The following SORBS2 variants were observed in gnomAD, a reference collection of about 807,000 sequenced individuals.
SORBS2 encodes sorbin and SH3 domain containing 2, also known as sorbin and SH3 domain-containing protein 2.
In SORBS2, 46 loss-of-function variants were observed where a neutral mutation model predicts 97.7. The observed-to-expected ratio is 0.47, with a 90% CI of 0.37 to 0.60. SORBS2 has a LOEUF of 0.60. SORBS2 is among the 20% of genes least tolerant of loss of function. The pLI, the probability that SORBS2 is intolerant of heterozygous loss-of-function variation, is 0.00. For synonymous variants in SORBS2, 476 were observed against 473.4 expected (o/e 1.01, Z -0.07); for missense variants, 1,316 against 1,282.3 (o/e 1.03, Z -0.40).
At chr4:185,637,794 TGTCTG>T (rs2097046830) in intron 4 of SORBS2, among the ~76,000 whole-genome samples, 1 of 152,100 alleles carries the variant, frequency 6.6e-6, no homozygotes, top group Non-Finnish European at 1.5e-5. Context: ...CTGTAATAAT[TGTCTG>T]AATATTCCAT....
At chr4:185,925,468 A>G (rs2099263153) in intron 1 of SORBS2, among the ~76,000 whole-genome samples, 1 of 152,150 alleles carries the variant, frequency 6.6e-6, no homozygotes, top group Admixed American at 6.5e-5. Flanking sequence ...ACACAGAAAT[A>G]TATTTTTAAA....
At chr4:185,597,227 A>G (rs1291439894) in intron 12 of SORBS2, among the ~76,000 whole-genome samples, 1 of 152,168 alleles carries the variant, frequency 6.6e-6, no homozygotes, top group Non-Finnish European at 1.5e-5. Context: ...AACCTTGGGG[A>G]TGCCTCAGCT....
chr4:185,816,887 A>G (rs1412255386), intron 1 of SORBS2, among the ~76,000 whole-genome samples: 1 of 152,242 alleles, frequency 6.6e-6, no homozygotes, highest in African/African-American at 2.4e-5. Flanking sequence ...AGAGAAAGCC[A>G]AACCTATTAA....
At chr4:185,867,173 G>A (rs889191942) in intron 1 of SORBS2, among the ~76,000 whole-genome samples, 3 of 151,912 alleles carry the variant, frequency 2.0e-5, no homozygotes, top group Non-Finnish European at 1.5e-5. Context: ...CACCACACTC[G>A]GCTAATTTTT....
intron 1 of SORBS2, among the ~76,000 whole-genome samples, chr4:185,845,248 C>G (rs2133377): frequency 0.56 from 84,894 of 151,864 alleles, 24,067 homozygotes; most frequent in East Asian, 0.79. Flanking sequence ...TCCAACTTCC[C>G]GGCTCAAGCG....
At chr4:185,767,503 AAAAAAAAAAAAAAAAAG>A (rs2098943034) in intron 2 of SORBS2, among the ~76,000 whole-genome samples, 1 of 142,602 alleles carries the variant, frequency 7.0e-6, no homozygotes, top group South Asian at 2.3e-4. Flanking sequence ...CTGTCTCAAA[AAAAAAAAAAAAAAAAAG>A]AGAAAGAAAA....
intron 1 of SORBS2, among the ~76,000 whole-genome samples, chr4:185,942,039 C>T (rs1371658438): frequency 6.6e-6 from 1 of 152,018 alleles, no homozygotes; most frequent in East Asian, 1.9e-4. Context: ...TCACTTGAAC[C>T]CAGGAGGCAG....
chr4:185,812,772 G>A (rs192628816), intron 1 of SORBS2, among the ~76,000 whole-genome samples: 125 of 152,162 alleles, frequency 8.2e-4, no homozygotes, highest in African/African-American at 2.7e-3. Context: ...TTTACTTATG[G>A]CTCAACTTAT....
At chr4:185,718,789 C>T (rs1224067477) in intron 2 of SORBS2, among the ~76,000 whole-genome samples, 1 of 152,084 alleles carries the variant, frequency 6.6e-6, no homozygotes, top group Admixed American at 6.6e-5. Context: ...ACTTCTGCTC[C>T]CTCGTTTGCA....
intron 1 of SORBS2, among the ~76,000 whole-genome samples, chr4:185,892,728 G>A (rs544064795): frequency 1.1e-4 from 16 of 152,278 alleles, no homozygotes; most frequent in South Asian, 2.1e-4. Flanking sequence ...AGTCAAACTC[G>A]CAGAGACAGA....
At chr4:185,586,130 A>C (rs905831163) in exon 15 of SORBS2, 3 of 58,668 alleles carry the variant, frequency 5.1e-5, no homozygotes, top group Non-Finnish European at 1.3e-4. Flanking sequence ...GGCTACGTAC[A>C]TTGTGAAAAG....
At chr4:185,855,493 T>C (rs2099220236) in intron 1 of SORBS2, among the ~76,000 whole-genome samples, 2 of 151,886 alleles carry the variant, frequency 1.3e-5, no homozygotes, top group Non-Finnish European at 2.9e-5. Context: ...TGGAGGGAAA[T>C]GTCATTTCAT....
chr4:185,638,768 G>T, intron 4 of SORBS2, 109 bp downstream of exon 14: 1 of 1,025,006 alleles, frequency 9.8e-7, no homozygotes, highest in Non-Finnish European at 1.3e-6. Context: ...GGGCCTGGAT[G>T]GGTGCGAGCG....
chr4:185,811,134 ACACT>A (rs1231138422), intron 1 of SORBS2: 3 of 152,204 alleles, frequency 2.0e-5, no homozygotes, highest in Non-Finnish European at 4.4e-5. Flanking sequence ...GGACACCAAG[ACACT>A]CAGTCCAGGG....
intron 1 of SORBS2, among the ~76,000 whole-genome samples, chr4:185,912,314 G>A (rs2099255576): frequency 6.6e-6 from 1 of 152,108 alleles, no homozygotes; most frequent in Non-Finnish European, 1.5e-5. Flanking sequence ...GCCGGGCATG[G>A]TGGCTCATGC....
intron 2 of SORBS2, among the ~76,000 whole-genome samples, chr4:185,713,363 A>C (rs931025668): frequency 1.5e-4 from 23 of 152,108 alleles, no homozygotes; most frequent in African/African-American, 5.3e-4. Context: ...TTGTCTTTTA[A>C]AAGTTTTTCT....
chr4:185,902,166 T>G lies in SORBS2; in HGVS notation c.-338+54030A>C, dbSNP rs560449188. On this transcript the variant is annotated intron_variant, in intron 1 of 20. Transcript: ENST00000284776. ...TCTATCCATTCTTCAAAATCTGGGT[T>G]AAAAATGTTTCTTGTGATATCACTG... Among the ~76,000 whole-genome samples the G allele has an allele frequency of 2.0e-5, 3 of 152,346 alleles. No individual in the cohort carries two copies. The East Asian group carries it at 5.8e-4, about 29-fold the overall frequency.
At chr4:185,888,662 G>T (rs1033664755) in intron 1 of SORBS2, among the ~76,000 whole-genome samples, 1 of 152,156 alleles carries the variant, frequency 6.6e-6, no homozygotes, top group African/African-American at 2.4e-5. Flanking sequence ...CACAATGTTT[G>T]GGAATTTCCT....
At chr4:185,728,285 G>A (rs140100062) in intron 2 of SORBS2, among the ~76,000 whole-genome samples, 110 of 152,132 alleles carry the variant, frequency 7.2e-4, no homozygotes, top group Non-Finnish European at 1.3e-3. Context: ...TGGTTCTACC[G>A]TCTGTTACTT....
Sources: allele counts gnomAD v4.1 joint callset (sites outside exome capture counted in the v4.1 genomes callset), GRCh38; gene constraint gnomAD v4.1.1; transcripts MANE v1.5; gene names NCBI Gene and HGNC (gene_info 2026-07-23, HGNC 2026-07-21).